Variants in GRIP1 observed in about 807,000 individuals in gnomAD.
GRIP1 encodes the protein glutamate receptor interacting protein 1, also known as glutamate receptor-interacting protein 1.
Under a neutral mutation model 129.9 loss-of-function variants are expected in GRIP1, and 45 were observed. That is an observed-to-expected ratio of 0.35 (90% CI 0.27 to 0.44). The LOEUF (loss-of-function observed/expected upper bound fraction) is 0.44. Among genes scored for constraint, GRIP1 ranks in the 20% least tolerant of loss-of-function variants. The pLI, the probability that GRIP1 is intolerant of heterozygous loss-of-function variation, is 1.00. For synonymous variants in GRIP1, 530 were observed against 520.8 expected, an observed-to-expected ratio of 1.02 and a Z score of -0.24; for missense variants, 1,196 against 1,396.8, an observed-to-expected ratio of 0.86 and a Z score of 2.29.
intron 1 of GRIP1, among the ~76,000 whole-genome samples, chr12:66,698,654 G>A (rs1412604979): frequency 4.6e-5 from 7 of 152,060 alleles, no homozygotes. Context: ...GATAATAATA[G>A]TCTGGCCCCC....
chr12:66,882,809 C>T (rs2040502604), intron 1 of GRIP1, among the ~76,000 whole-genome samples: 1 of 152,122 alleles, frequency 6.6e-6, no homozygotes, highest in African/African-American at 2.4e-5. Context: ...TCACAGTAGC[C>T]CTGTGGGCCA....
chr12:66,813,188 T>C (rs1566035625), intron 1 of GRIP1, among the ~76,000 whole-genome samples: 2 of 152,148 alleles, frequency 1.3e-5, no homozygotes, highest in South Asian at 2.1e-4. Context: ...CTTATGATTA[T>C]GGCAGAAGGT....
Position 66,347,683 on chromosome 12 carries a change from G to A in GRIP1, c.*1336C>T, listed in dbSNP as rs1186705772. The A allele has an allele frequency of 6.6e-6, 1 of 151,910 alleles. No individual in the cohort carries two copies. Among genetic ancestry groups the A allele is most frequent in the East Asian group, 1.9e-4 (1 of 5,182 alleles). 9.4% of individuals were successfully genotyped at this position (151,910 alleles called of 1,614,324 possible). On this transcript the variant is annotated 3_prime_UTR_variant, in exon 25 of 25. Coordinates refer to ENST00000359742, the MANE Select transcript of GRIP1 (RefSeq NM_001366722.1). ...TTTTCTTTTTTCTTAACATGATCCT[G>A]CTTTATACTTTCTTGCCCTGGCGGT... is the stretch of plus-strand genomic sequence containing the variant.
chr12:66,483,921 G>T (rs1245326986), intron 7 of GRIP1, among the ~76,000 whole-genome samples: 1 of 151,256 alleles, frequency 6.6e-6, no homozygotes, highest in East Asian at 1.9e-4. Context: ...GTGCAGTGGC[G>T]GGATCTCGGC....
Position 66,455,401 on chromosome 12 carries a change from T to G in GRIP1, c.1354+8A>C. 6.2e-7 allele frequency: 1 copy of G among 1,613,966 alleles called. No individual in the cohort carries two copies. On this transcript the variant is annotated splice_region_variant and intron_variant, in intron 11 of 24. Coordinates refer to ENST00000359742, the MANE Select transcript of GRIP1 (RefSeq NM_001366722.1). ...AGGCCAAATGCCATTGGCTGTCATT[T>G]CACTTACATGAGCTTTTGAAGTCTT...
intron 1 of GRIP1, among the ~76,000 whole-genome samples, chr12:66,923,166 G>A (rs114943162): frequency 0.014 from 2,072 of 152,228 alleles, 54 homozygotes; most frequent in African/African-American, 0.047. Context: ...CAGTTATCAG[G>A]TTGTATGACT....
chr12:66,912,946 T>G, intron 1 of GRIP1, among the ~76,000 whole-genome samples: 1 of 152,166 alleles, frequency 6.6e-6, no homozygotes, highest in East Asian at 1.9e-4. Flanking sequence ...AAACCCATAA[T>G]GCAGGTACCA....
intron 1 of GRIP1, among the ~76,000 whole-genome samples, chr12:66,770,891 C>T (rs1408028387): frequency 4.6e-5 from 7 of 152,008 alleles, no homozygotes; most frequent in Non-Finnish European, 7.4e-5. Flanking sequence ...GTCAGGAGTT[C>T]GAGACCAGCC....
intron 1 of GRIP1, among the ~76,000 whole-genome samples, chr12:66,803,700 G>A (rs2038920389): frequency 6.6e-6 from 1 of 152,128 alleles, no homozygotes; most frequent in Non-Finnish European, 1.5e-5. Flanking sequence ...AAATGAGCTA[G>A]CCTTCCCTAT....
At chr12:66,387,889 A>G (rs1014635430) in intron 19 of GRIP1, among the ~76,000 whole-genome samples, 1 of 152,234 alleles carries the variant, frequency 6.6e-6, no homozygotes, top group Non-Finnish European at 1.5e-5. Flanking sequence ...GACATTAAAT[A>G]AAGTTGGACT....
chr12:66,722,247 T>C (rs1465443127), intron 1 of GRIP1, among the ~76,000 whole-genome samples: 1 of 152,186 alleles, frequency 6.6e-6, no homozygotes, highest in Non-Finnish European at 1.5e-5. Flanking sequence ...TGATTTAAAG[T>C]GAGAGACATG....
intron 22 of GRIP1, 100 bp from the exon 23 acceptor site, chr12:66,372,027 A>G: frequency 1.2e-6 from 1 of 810,284 alleles, no homozygotes; most frequent in South Asian, 1.4e-5. Flanking sequence ...AGGTAAAAAT[A>G]CAGTCTCTTC....
chr12:66,504,282 T>C (rs1355147633), intron 7 of GRIP1, among the ~76,000 whole-genome samples: 1 of 152,206 alleles, frequency 6.6e-6, no homozygotes, highest in Non-Finnish European at 1.5e-5. Context: ...GAAAAATACA[T>C]GTTCCACAGC....
chr12:66,838,174 GAA>G, intron 1 of GRIP1, among the ~76,000 whole-genome samples: 1 of 121,410 alleles, frequency 8.2e-6, no homozygotes, highest in South Asian at 3.2e-4. Flanking sequence ...AGGTGACAGA[GAA>G]AGACTCCACC....
At chr12:66,686,859 C>A (rs1385521745) in intron 1 of GRIP1, among the ~76,000 whole-genome samples, 2 of 151,966 alleles carry the variant, frequency 1.3e-5, no homozygotes, top group African/African-American at 4.8e-5. Context: ...GAGTTTGAAA[C>A]CAACATGGGC....
intron 1 of GRIP1, among the ~76,000 whole-genome samples, chr12:66,600,996 C>T (rs1308333639): frequency 6.6e-6 from 1 of 152,162 alleles, no homozygotes; most frequent in African/African-American, 2.4e-5. Flanking sequence ...ATGTTGGTCA[C>T]AATAAGGAAG....
At chr12:66,538,088 T>TCCATCTGGA (rs2061659998) in intron 4 of GRIP1, among the ~76,000 whole-genome samples, 1 of 152,228 alleles carries the variant, frequency 6.6e-6, no homozygotes, top group African/African-American at 2.4e-5. Flanking sequence ...TAATCTCACA[T>TCCATCTGGA]TGTCTGCTCT....
intron 1 of GRIP1, among the ~76,000 whole-genome samples, chr12:66,865,098 T>C (rs1345056705): frequency 6.6e-6 from 1 of 152,134 alleles, no homozygotes; most frequent in Non-Finnish European, 1.5e-5. Context: ...AACATCTGGA[T>C]AAGGGAACTG....
intron 1 of GRIP1, among the ~76,000 whole-genome samples, chr12:66,793,783 T>C (rs1353534055): frequency 6.6e-6 from 1 of 152,174 alleles, no homozygotes; most frequent in Non-Finnish European, 1.5e-5. Context: ...CAGCACATAG[T>C]AGTGCTTAAT....
Sources: gnomAD v4.1 joint callset for allele counts (sites outside exome capture counted in the v4.1 genomes callset) on GRCh38, gnomAD v4.1.1 for gene constraint, MANE v1.5 for transcripts, NCBI Gene and HGNC (gene_info 2026-07-23, HGNC 2026-07-21) for gene names.